Variants in KAZN observed in about 807,000 individuals in gnomAD.
KAZN encodes kazrin, periplakin interacting protein, also known as kazrin.
A neutral mutation model predicts 87.4 loss-of-function variants in KAZN; 40 were observed. The ratio of observed to expected loss-of-function variants is 0.46; its 90% confidence interval spans 0.36 to 0.60. The LOEUF (loss-of-function observed/expected upper bound fraction) is 0.60. Among genes scored for constraint, KAZN ranks in the 20% least tolerant of loss-of-function variants. The pLI, the probability that KAZN is intolerant of heterozygous loss-of-function variation, is 0.00. For missense variants in KAZN, 898 were observed against 1,073.9 expected, an observed-to-expected ratio of 0.84 and a Z score of 2.29; for synonymous variants, 466 against 458.3, an observed-to-expected ratio of 1.02 and a Z score of -0.22.
chr1:15,025,411 G>A (rs2871890), intron 2 of KAZN, among the ~76,000 whole-genome samples: 55,051 of 151,952 alleles, frequency 0.36, 10,540 homozygotes, highest in African/African-American at 0.48. Flanking sequence ...TTGGCACAGC[G>A]CTGACCAGAA....
intron 1 of KAZN, among the ~76,000 whole-genome samples, chr1:14,852,134 C>A (rs1474545079): frequency 6.6e-6 from 1 of 152,186 alleles, no homozygotes; most frequent in Non-Finnish European, 1.5e-5. Context: ...CCCTGGATCT[C>A]CTTCTCCTTC....
rs1557698128 is a variant in KAZN, at chr1:14,996,234, G to A, written c.418+35359G>A. ...CTGGCATCTTGAACAGGGGTCACTG[G>A]GTCGGCCTTTCTCTTTCTTGTTCCC... On this transcript the variant is annotated intron_variant, in intron 2 of 14. Coordinates refer to ENST00000376030, the MANE Select transcript of KAZN (RefSeq NM_201628.3). This position sits in a 1 kb window ranked among gnomAD's most constrained non-coding sequence, Gnocchi z 5.9. Among the ~76,000 whole-genome samples, 1 of 152,126 alleles carries A rather than the reference G, an allele frequency of 6.6e-6. No individual in the cohort carries two copies. Among genetic ancestry groups the A allele is most frequent in the Admixed American group, 6.5e-5 (1 of 15,276 alleles).
intron 2 of KAZN, among the ~76,000 whole-genome samples, chr1:14,587,164 G>A (rs954984608): frequency 5.3e-5 from 8 of 152,096 alleles, no homozygotes; most frequent in African/African-American, 1.7e-4. Flanking sequence ...GGCCAGGCGC[G>A]GTGGCTCATG....
At chr1:14,033,867 CAG>C (rs1641430249) in intron 1 of KAZN, among the ~76,000 whole-genome samples, 2 of 152,288 alleles carry the variant, frequency 1.3e-5, no homozygotes, top group East Asian at 3.9e-4. Flanking sequence ...AAAGGAGGCT[CAG>C]AATTTGTAAA....
intron 1 of KAZN, among the ~76,000 whole-genome samples, chr1:14,924,727 AGCGG>A (rs1384626887): frequency 2.0e-5 from 3 of 152,112 alleles, no homozygotes; most frequent in African/African-American, 7.2e-5. Flanking sequence ...GGGCGGGTGC[AGCGG>A]GAGGCGTGCG....
intron 1 of KAZN, among the ~76,000 whole-genome samples, chr1:14,054,784 T>TCATGCGTGAGAGTTAGAAATG (rs1642481081): frequency 6.6e-6 from 1 of 152,214 alleles, no homozygotes; most frequent in Non-Finnish European, 1.5e-5. Flanking sequence ...GAGTTGTAGG[T>TCATGCGTGAGAGTTAGAAATG]CATGCGTGAG....
intron 1 of KAZN, among the ~76,000 whole-genome samples, chr1:14,022,181 A>G (rs1640859307): frequency 6.6e-6 from 1 of 152,064 alleles, no homozygotes; most frequent in African/African-American, 2.4e-5. Flanking sequence ...TGTTGTGTGC[A>G]TGCATGCTCT....
At chr1:14,752,610 G>T (rs1644443728) in intron 1 of KAZN, among the ~76,000 whole-genome samples, 2 of 152,158 alleles carry the variant, frequency 1.3e-5, no homozygotes, top group African/African-American at 4.8e-5. Flanking sequence ...AGCCTAGTCA[G>T]TTCCCTGGAG....
intron 1 of KAZN, among the ~76,000 whole-genome samples, chr1:13,948,505 CTT>C (rs1641227962): frequency 6.6e-6 from 1 of 152,162 alleles, no homozygotes; most frequent in Admixed American, 6.5e-5. Flanking sequence ...AATTAAACCT[CTT>C]TTCGGTGTAA....
At chr1:14,406,841 CTTTG>C (rs1162967023) in intron 2 of KAZN, among the ~76,000 whole-genome samples, 1 of 152,160 alleles carries the variant, frequency 6.6e-6, no homozygotes, top group Non-Finnish European at 1.5e-5. Context: ...CACTCACACT[CTTTG>C]TGTCTTGGTT....
chr1:14,738,523 C>A (rs918058574), intron 1 of KAZN, among the ~76,000 whole-genome samples: 3 of 152,010 alleles, frequency 2.0e-5, no homozygotes, highest in African/African-American at 7.3e-5. Flanking sequence ...AAATCATAAA[C>A]CTGTGGCTGT....
rs1020765328 is a variant in KAZN, at chr1:15,065,071, G to A, written c.1099-559G>A. Among the ~76,000 whole-genome samples, 10 of 116,030 alleles carry A rather than the reference G, an allele frequency of 8.6e-5. No homozygotes were observed. The South Asian group carries it at 1.3e-3, about 16-fold the overall frequency. 76.1% of individuals were successfully genotyped at this position (116,030 alleles called of 152,430 possible). The stretch of plus-strand genomic sequence containing the variant: ...TTTTGAGACGGAGTCTCACTCTGTC[G>A]CCCAGGCTGCAGTGCAGTGGCGCGA... On this transcript the variant is annotated intron_variant, in intron 7 of 14. Coordinates refer to ENST00000376030, the MANE Select transcript of KAZN (RefSeq NM_201628.3).
chr1:14,701,520 C>T (rs1641919816), intron 1 of KAZN, among the ~76,000 whole-genome samples: 1 of 152,246 alleles, frequency 6.6e-6, no homozygotes, highest in Non-Finnish European at 1.5e-5. Flanking sequence ...GAGCTGGGTG[C>T]CATGGCTCAT....
intron 1 of KAZN, among the ~76,000 whole-genome samples, chr1:14,028,851 A>G (rs1362359818): frequency 6.6e-6 from 1 of 151,842 alleles, no homozygotes; most frequent in Non-Finnish European, 1.5e-5. Context: ...TATGTGCCAC[A>G]TTTTCTTAAT....
intron 2 of KAZN, among the ~76,000 whole-genome samples, chr1:14,555,678 G>A (rs1163444078): frequency 6.6e-6 from 1 of 152,172 alleles, no homozygotes; most frequent in African/African-American, 2.4e-5. Context: ...AAGCTAGCTA[G>A]TGATAAAAGG....
chr1:14,816,007 C>T (rs1032420715), intron 1 of KAZN, among the ~76,000 whole-genome samples: 6 of 152,160 alleles, frequency 3.9e-5, no homozygotes, highest in Non-Finnish European at 2.9e-5. Context: ...CATTCCAAGC[C>T]AGGCACCTTA....
At chr1:15,037,539 C>A (rs1672459733) in intron 3 of KAZN, among the ~76,000 whole-genome samples, 1 of 152,164 alleles carries the variant, frequency 6.6e-6, no homozygotes, top group Non-Finnish European at 1.5e-5. Context: ...ACCTGAGGTT[C>A]CCGGGGCATG....
At chr1:14,776,073 G>A (rs1645167910) in intron 1 of KAZN, among the ~76,000 whole-genome samples, 1 of 152,110 alleles carries the variant, frequency 6.6e-6, no homozygotes, top group African/African-American at 2.4e-5. Context: ...GCAATGGCGC[G>A]ATCTCAGCTC....
At chr1:15,109,048 T>C (rs1359334634) in intron 13 of KAZN, among the ~76,000 whole-genome samples, 1 of 152,134 alleles carries the variant, frequency 6.6e-6, no homozygotes, top group Non-Finnish European at 1.5e-5. Flanking sequence ...TATTCCTTTG[T>C]CTACAGAAAG....
Sources: allele counts gnomAD v4.1 joint callset (sites outside exome capture counted in the v4.1 genomes callset), GRCh38; gene constraint gnomAD v4.1.1; non-coding constraint Gnocchi (gnomAD v3.1); transcripts MANE v1.5; gene names NCBI Gene and HGNC (gene_info 2026-07-23, HGNC 2026-07-21).